Variants in ANKRD12 observed in about 807,000 individuals in gnomAD.
ANKRD12 encodes ankyrin repeat domain 12, also known as ankyrin repeat domain-containing protein 12.
ANKRD12 carries 85 observed loss-of-function variants against 183.4 expected under a neutral mutation model. The observed-to-expected ratio is 0.46, with a 90% CI of 0.39 to 0.56. The LOEUF (loss-of-function observed/expected upper bound fraction) is 0.56. ANKRD12 is among the 20% of genes least tolerant of loss of function. The probability of loss-of-function intolerance (pLI) is 0.00; values close to 1 mark genes in which losing one functional copy is unlikely to be tolerated. For missense variants in ANKRD12, 2,405 were observed against 2,357.1 expected, an observed-to-expected ratio of 1.02 and a Z score of -0.42; for synonymous variants, 914 against 800.2, an observed-to-expected ratio of 1.14 and a Z score of -2.40.
chr18:9,210,023 G>A (rs971874111), intron 5 of ANKRD12, among the ~76,000 whole-genome samples: 4 of 151,322 alleles, frequency 2.6e-5, no homozygotes, highest in African/African-American at 9.7e-5. Flanking sequence ...TTCTTTTTTA[G>A]TATAAATAGG....
intron 5 of ANKRD12, among the ~76,000 whole-genome samples, chr18:9,209,438 T>G (rs2035659648): frequency 6.6e-6 from 1 of 152,230 alleles, no homozygotes; most frequent in Admixed American, 6.5e-5. Context: ...AGCAATTTTA[T>G]GTAAGACTCT....
intron 1 of ANKRD12, among the ~76,000 whole-genome samples, chr18:9,175,602 A>G (rs1250080855): frequency 8.0e-6 from 1 of 124,808 alleles, no homozygotes; most frequent in Non-Finnish European, 1.6e-5. Context: ...ATCTCGGCTC[A>G]CTGCAAATTC....
chr18:9,148,434 C>A (rs2078567010), intron 1 of ANKRD12, among the ~76,000 whole-genome samples: 1 of 152,082 alleles, frequency 6.6e-6, no homozygotes, highest in South Asian at 2.1e-4. Context: ...GAATGTGATC[C>A]TTTACAATCA....
chr18:9,272,567 AAAAAAG>A (rs2039655749), intron 10 of ANKRD12, among the ~76,000 whole-genome samples: 1 of 152,112 alleles, frequency 6.6e-6, no homozygotes, highest in Non-Finnish European at 1.5e-5. Context: ...ATCTCAAAAA[AAAAAAG>A]AAAAAAGAAA....
At chr18:9,174,582 C>T (rs73392349) in intron 1 of ANKRD12, among the ~76,000 whole-genome samples, 1,679 of 152,342 alleles carry the variant, frequency 0.011, 37 homozygotes, top group African/African-American at 0.038. Flanking sequence ...CAATCACTCA[C>T]TGCTTCCCTT....
At chr18:9,187,584 A>T (rs2034174438) in intron 2 of ANKRD12, among the ~76,000 whole-genome samples, 2 of 152,324 alleles carry the variant, frequency 1.3e-5, no homozygotes, top group South Asian at 4.1e-4. Context: ...ATTTTATAGC[A>T]ATTTAATTTT....
chr18:9,231,032 C>T (rs527540548), intron 8 of ANKRD12, among the ~76,000 whole-genome samples: 5 of 151,996 alleles, frequency 3.3e-5, no homozygotes, highest in African/African-American at 1.2e-4. Context: ...ATCTAGTGGT[C>T]GTTCATGAGC....
chr18:9,265,049 A>G (rs2145326075), intron 10 of ANKRD12, among the ~76,000 whole-genome samples: 1 of 152,300 alleles, frequency 6.6e-6, no homozygotes, highest in South Asian at 2.1e-4. Context: ...GTCTGAGATC[A>G]AACCGCAAGG....
intron 1 of ANKRD12, among the ~76,000 whole-genome samples, chr18:9,141,435 T>C (rs1373915708): frequency 2.6e-5 from 4 of 152,290 alleles, no homozygotes; most frequent in Middle Eastern, 3.4e-3. Flanking sequence ...GAGCCAGCAA[T>C]AGAAAATCTG....
At chr18:9,253,156 A>C in intron 8 of ANKRD12, among the ~76,000 whole-genome samples, 1 of 152,194 alleles carries the variant, frequency 6.6e-6, no homozygotes, top group East Asian at 1.9e-4. Flanking sequence ...ATGTGTAAAA[A>C]ACCAAGGTAA....
At chr18:9,193,628 TA>T (rs772122118) in intron 2 of ANKRD12, among the ~76,000 whole-genome samples, 8 of 152,158 alleles carry the variant, frequency 5.3e-5, no homozygotes, top group South Asian at 2.1e-4. Context: ...ATTGCTACTT[TA>T]AAAAAAATGA....
chr18:9,216,329 T>A (rs969593866), intron 6 of ANKRD12, among the ~76,000 whole-genome samples: 1 of 152,154 alleles, frequency 6.6e-6, no homozygotes, highest in African/African-American at 2.4e-5. Flanking sequence ...ACTTAATGAA[T>A]AATAGATTTT....
chr18:9,163,792 T>C (rs952833881), intron 1 of ANKRD12, among the ~76,000 whole-genome samples: 1 of 152,342 alleles, frequency 6.6e-6, no homozygotes, highest in African/African-American at 2.4e-5. Context: ...TTTGTAGCAA[T>C]TATGAATGGG....
intron 6 of ANKRD12, 90 bp downstream of exon 6, chr18:9,211,874 T>TATCTTTCTGTCGAGATGAAGAACTGG: frequency 8.5e-7 from 1 of 1,176,004 alleles, no homozygotes; most frequent in Non-Finnish European, 1.2e-6. Flanking sequence ...TTATTCATTT[T>TATCTTTCTGTCGAGATGAAGAACTGG]GCTGAAATGA....
intron 6 of ANKRD12, 80 bp downstream of exon 6, chr18:9,211,864 T>C: frequency 1.6e-6 from 2 of 1,239,234 alleles, no homozygotes; most frequent in East Asian, 2.4e-5. Context: ...CTACATTCTT[T>C]TATTCATTTT....
chr18:9,226,914 AT>A (rs1441858300), intron 8 of ANKRD12, among the ~76,000 whole-genome samples: 1 of 152,192 alleles, frequency 6.6e-6, no homozygotes, highest in Non-Finnish European at 1.5e-5. Context: ...AATATGCCAG[AT>A]TATCCGCAGA....
rs1422868835 is a variant in ANKRD12 at position 9,256,658 on chromosome 18, A to G, written c.3391A>G (p.Thr1131Ala). The G allele has an allele frequency of 1.9e-6, 3 of 1,607,502 alleles. No individual in the cohort carries two copies. The highest frequency in any genetic ancestry group is 2.5e-6 in the Non-Finnish European group (3 of 1,178,556). ...TAAAGAAAAAACAAAGCATACACCA[A>G]CTGAATCCAAAAATAAAGAACTTAC... ...KDKEKTKHTPTESKNKELTRS... is the reference protein window; with the variant it reads ...KDKEKTKHTPAESKNKELTRS... The change falls in exon 9 of 13, where the codon ACT (threonine) becomes GCT (alanine). Residue 1131 changes from threonine (T) to alanine (A), a missense_variant. Thr to Ala is a moderately conservative substitution (Grantham distance 58). Around this residue, in one of 7 missense-constraint regions of ANKRD12, gnomAD observed 1,983 missense variants for 1,725.9 expected, o/e 1.15. Coordinates refer to ENST00000262126, the MANE Select transcript of ANKRD12 (RefSeq NM_015208.5).
chr18:9,258,153 T>C lies in ANKRD12; in HGVS notation c.4886T>C (p.Ile1629Thr), dbSNP rs759623371. 1.9e-6 allele frequency: 3 copies of C among 1,613,860 alleles called. No homozygotes were observed. Among genetic ancestry groups the C allele is most frequent in the South Asian group, 2.2e-5 (2 of 91,074 alleles). Residue 1629 changes from isoleucine (I) to threonine (T), a missense_variant, in exon 9 of 13, where the codon ATT becomes ACT. Physicochemically the swap from Ile to Thr is moderately conservative, Grantham distance 89. Transcript: ENST00000262126. Reference protein sequence around the residue: ...VENSTTDTQVISHEKENKLES... With the variant: ...VENSTTDTQVTSHEKENKLES... ...AATAGCACAACTGATACTCAGGTCA[T>C]TTCACATGAAAAAGAAAACAAACTG...
chr18:9,177,591 C>G (rs1598464814), intron 1 of ANKRD12, among the ~76,000 whole-genome samples: 1 of 151,986 alleles, frequency 6.6e-6, no homozygotes, highest in East Asian at 1.9e-4. Context: ...CAGAATGTTC[C>G]CAAATAGCTG....
Sources: gnomAD v4.1 joint callset for allele counts (sites outside exome capture counted in the v4.1 genomes callset) on GRCh38, gnomAD v4.1.1 for gene constraint, gnomAD v4.1.1 regional missense constraint, MANE v1.5 for transcripts, NCBI Gene and HGNC (gene_info 2026-07-23, HGNC 2026-07-21) for gene names.